Variants in WWOX observed in about 807,000 individuals in gnomAD.
WWOX encodes WW domain containing oxidoreductase.
In WWOX, 69 loss-of-function variants were observed where a neutral mutation model predicts 46.2. The observed-to-expected ratio is 1.49, with a 90% CI of 1.23 to 1.82. WWOX has a LOEUF of 1.82. Among genes scored for constraint, WWOX ranks in the 40% most tolerant of loss-of-function variants. WWOX has a pLI of 0.00. For synonymous variants in WWOX, 359 were observed against 202.6 expected (o/e 1.77, Z -6.56); for missense variants, 919 against 542.6 (o/e 1.69, Z -6.89).
At chr16:78,498,970 G>T (rs961408497) in intron 8 of WWOX, among the ~76,000 whole-genome samples, 1 of 152,186 alleles carries the variant, frequency 6.6e-6, no homozygotes, top group African/African-American at 2.4e-5. Context: ...TATTATGAAG[G>T]CTCAAGGAAT....
chr16:78,843,851 C>T (rs377545874), intron 8 of WWOX, among the ~76,000 whole-genome samples: 2 of 152,152 alleles, frequency 1.3e-5, no homozygotes, highest in Non-Finnish European at 2.9e-5. Flanking sequence ...GAGGTTGGCT[C>T]ATATTTTTAA....
Position 78,108,860 on chromosome 16 carries a change from C to T in WWOX, c.172+373C>T, listed in dbSNP as rs887524830. On this transcript the variant is annotated intron_variant, in intron 2 of 8. Coordinates refer to ENST00000566780, the MANE Select transcript of WWOX (RefSeq NM_016373.4). ...AAAATTAGCTGGGCATGGTTGCATG[C>T]GCCTGTAATTCCAGCTACTTTGGAG... is the stretch of plus-strand genomic sequence containing the variant. Among the ~76,000 whole-genome samples the T allele has an allele frequency of 2.6e-5, 4 of 152,164 alleles. No individual in the cohort carries two copies. In the South Asian group the frequency reaches 6.2e-4, roughly 24 times the overall value.
At chr16:79,088,819 G>A (rs575332021) in intron 8 of WWOX, among the ~76,000 whole-genome samples, 3 of 152,208 alleles carry the variant, frequency 2.0e-5, no homozygotes, top group Admixed American at 6.5e-5. Flanking sequence ...TCCACCCAAC[G>A]GCAAAGTCCA....
chr16:78,665,767 C>G (rs371990556), intron 8 of WWOX, among the ~76,000 whole-genome samples: 1 of 152,270 alleles, frequency 6.6e-6, no homozygotes, highest in Non-Finnish European at 1.5e-5. Context: ...TCACTGCAAC[C>G]TCCACCTCCT....
chr16:79,159,565 CTCTT>C (rs1235451678), intron 8 of WWOX, among the ~76,000 whole-genome samples: 1 of 152,146 alleles, frequency 6.6e-6, no homozygotes, highest in African/African-American at 2.4e-5. Context: ...GGAAAATGCT[CTCTT>C]TCTTACCTGG....
In WWOX at chr16:78,183,414, C is replaced by G. The variant is rs1036610723; in HGVS notation, c.516+19125C>G. On this transcript the variant is annotated intron_variant, in intron 5 of 8. Coordinates refer to ENST00000566780, the MANE Select transcript of WWOX (RefSeq NM_016373.4). The stretch of plus-strand genomic sequence containing the variant: ...TATGAGCGTGAAAGGTTTTCTTTGA[C>G]TTTGGTGGTCTAGTTAGTGGTTGAG... 4.6e-5 allele frequency among the ~76,000 whole-genome samples: 7 copies of G among 152,216 alleles called. No individual in the cohort carries two copies. In the East Asian group the frequency reaches 1.4e-3, roughly 29 times the overall value.
intron 8 of WWOX, among the ~76,000 whole-genome samples, chr16:78,680,331 C>T (rs1201894997): frequency 3.9e-5 from 6 of 152,074 alleles, no homozygotes. Flanking sequence ...ATTGCGTGAG[C>T]CCAGGAGTTC....
At chr16:79,060,925 T>C (rs1315645252) in intron 8 of WWOX, among the ~76,000 whole-genome samples, 2 of 152,216 alleles carry the variant, frequency 1.3e-5, no homozygotes, top group Non-Finnish European at 2.9e-5. Context: ...AAAAGCACTA[T>C]GAAATAGATG....
At chr16:78,656,323 C>T (rs768278869) in intron 8 of WWOX, among the ~76,000 whole-genome samples, 1 of 152,086 alleles carries the variant, frequency 6.6e-6, no homozygotes, top group Non-Finnish European at 1.5e-5. Flanking sequence ...TCTGTCCCCT[C>T]CTGGTGCCTG....
intron 8 of WWOX, among the ~76,000 whole-genome samples, chr16:79,182,908 G>A (rs752419961): frequency 1.2e-4 from 18 of 152,206 alleles, no homozygotes; most frequent in Non-Finnish European, 2.2e-4. Context: ...CTTCTGGGCT[G>A]ATGAGCATCC....
intron 8 of WWOX, chr16:78,898,258 C>A (rs2044746983): frequency 6.6e-6 from 1 of 152,122 alleles, no homozygotes; most frequent in Non-Finnish European, 1.5e-5. Flanking sequence ...TTCTTCTAGA[C>A]ACTCCATAAC....
chr16:78,887,009 G>T (rs965645289), intron 8 of WWOX, among the ~76,000 whole-genome samples: 2 of 151,432 alleles, frequency 1.3e-5, no homozygotes, highest in African/African-American at 2.4e-5. Flanking sequence ...TTTTCATATT[G>T]TCAGTCTCAA....
chr16:78,440,746 G>T (rs1049337637), intron 8 of WWOX, among the ~76,000 whole-genome samples: 3 of 151,376 alleles, frequency 2.0e-5, no homozygotes, highest in Non-Finnish European at 4.4e-5. Context: ...AGCCTCCCAA[G>T]TAGCTGGGAT....
rs368474736 is a variant in WWOX at position 78,964,164 on chromosome 16, T to C, written c.1057-247444T>C. Among the ~76,000 whole-genome samples, 214 of 152,268 alleles carry C rather than the reference T, an allele frequency of 1.4e-3. 5 individuals are homozygous for C. The highest frequency in any genetic ancestry group is 4.8e-3 in the African/African-American group (198 of 41,542). Reference sequence around the variant, plus strand: ...AGAGTGGGGCATTGCTGAAAAGATATCTGAAAATGTGGAAGTGACTTTGGA... The same window carrying C: ...AGAGTGGGGCATTGCTGAAAAGATACCTGAAAATGTGGAAGTGACTTTGGA... On this transcript the variant is annotated intron_variant, in intron 8 of 8. Coordinates refer to ENST00000566780, the MANE Select transcript of WWOX (RefSeq NM_016373.4).
intron 8 of WWOX, among the ~76,000 whole-genome samples, chr16:78,987,891 C>T (rs1022230482): frequency 1.3e-5 from 2 of 152,094 alleles, no homozygotes; most frequent in African/African-American, 2.4e-5. Flanking sequence ...AACATGATTC[C>T]GGTGAAACCA....
intron 5 of WWOX, among the ~76,000 whole-genome samples, chr16:78,306,300 G>A (rs746652618): frequency 6.6e-6 from 1 of 152,166 alleles, no homozygotes; most frequent in Non-Finnish European, 1.5e-5. Context: ...TACGATTCTA[G>A]AAGGGTGAGT....
chr16:78,819,410 A>G (rs1425221197), intron 8 of WWOX, among the ~76,000 whole-genome samples: 2 of 152,336 alleles, frequency 1.3e-5, no homozygotes, highest in African/African-American at 4.8e-5. Flanking sequence ...TTCCATGGCA[A>G]CACCTAGAAG....
intron 8 of WWOX, among the ~76,000 whole-genome samples, chr16:78,796,515 G>A (rs1166098043): frequency 6.6e-6 from 1 of 152,258 alleles, no homozygotes; most frequent in Non-Finnish European, 1.5e-5. Flanking sequence ...GGAGGCAAGA[G>A]AAATGTTTTC....
intron 8 of WWOX, among the ~76,000 whole-genome samples, chr16:78,608,144 A>AG (rs1216355052): frequency 6.6e-6 from 1 of 152,172 alleles, no homozygotes; most frequent in Non-Finnish European, 1.5e-5. Context: ...AAACCCAGAG[A>AG]GGTCGTACGT....
Sources: allele counts gnomAD v4.1 joint callset (sites outside exome capture counted in the v4.1 genomes callset), GRCh38; gene constraint gnomAD v4.1.1; transcripts MANE v1.5; gene names NCBI Gene and HGNC (gene_info 2026-07-23, HGNC 2026-07-21).